PSMD1: variants seen among roughly 807,000 people sequenced by gnomAD.
The protein encoded by PSMD1 is proteasome 26S subunit, non-ATPase 1.
In PSMD1, 18 loss-of-function variants were observed where a neutral mutation model predicts 119.0. The ratio of observed to expected loss-of-function variants is 0.15; its 90% CI spans 0.10 to 0.22. PSMD1 has a LOEUF of 0.22. Among genes scored for constraint, PSMD1 ranks in the 10% least tolerant of loss-of-function variants. The pLI, the probability that PSMD1 is intolerant of heterozygous loss-of-function variation, is 1.00. For synonymous variants in PSMD1, 374 were observed against 396.6 expected (o/e 0.94, Z 0.68); for missense variants, 702 against 1,158.5 (o/e 0.61, Z 5.72).
At chr2:231,164,198 G>C (rs1696704707) in intron 21 of PSMD1, among the ~76,000 whole-genome samples, 2 of 151,994 alleles carry the variant, frequency 1.3e-5, no homozygotes, top group Admixed American at 1.3e-4. Context: ...GCCTGGAATT[G>C]AAAGTCTTTA....
intron 16 of PSMD1, among the ~76,000 whole-genome samples, chr2:231,122,960 T>A (rs1048647323): frequency 1.3e-5 from 2 of 152,194 alleles, no homozygotes; most frequent in Non-Finnish European, 2.9e-5. Context: ...AGTTCCAATT[T>A]TAAACTGGGG....
intron 16 of PSMD1, among the ~76,000 whole-genome samples, chr2:231,122,561 G>C (rs1695581539): frequency 6.6e-6 from 1 of 152,068 alleles, no homozygotes; most frequent in South Asian, 2.1e-4. Flanking sequence ...TTTTAATGCT[G>C]ATTCCAAGGG....
rs13408366 is a variant in PSMD1 at position 231,083,717 on chromosome 2, G to A, written c.1676G>A (p.Arg559Lys). The change falls in exon 14 of 25, where the codon AGG becomes AAG. Residue 559 changes from arginine to lysine, a missense_variant. This residue lies in a region of PSMD1 where 272 missense variants were observed against 511.6 expected (regional missense o/e 0.53). Transcript: ENST00000308696. ...GGCATAGCTTTAGTAATGTATGGGA[G>A]GATGGAAGAGGCTGATGCTCTCATT... is the stretch of plus-strand genomic sequence containing the variant. ...AVGIALVMYG[R>K]MEEADALIES... 2.2e-4 allele frequency: 349 copies of A among 1,614,160 alleles called. No individual in the cohort carries two copies. Among genetic ancestry groups the A allele is most frequent in the Admixed American group, 1.2e-3 (74 of 60,032 alleles).
rs1694402767 is a variant in PSMD1 at position 231,085,231 on chromosome 2, T to TA, written c.1818+117_1818+118insA. ...ATGACCACCACCAGTGGTCTTAGGT[T>TA]GTGATTCTCATTTACTGGACCCAAC... On this transcript the variant is annotated intron_variant, in intron 15 of 24. Transcript: ENST00000308696. 4 of 836,326 alleles carry TA rather than the reference T, an allele frequency of 4.8e-6. No individual in the cohort carries two copies. In the African/African-American group the frequency reaches 5.1e-5, roughly 11 times the overall value. 51.8% of individuals were successfully genotyped at this position (836,326 alleles called of 1,614,324 possible).
At chr2:231,067,648 C>T (rs1023093248) in intron 5 of PSMD1, among the ~76,000 whole-genome samples, 3 of 152,014 alleles carry the variant, frequency 2.0e-5, no homozygotes, top group Non-Finnish European at 2.9e-5. Flanking sequence ...ATATTTTTTA[C>T]ATTTCTTTTT....
intron 16 of PSMD1, among the ~76,000 whole-genome samples, chr2:231,132,209 T>C (rs1695871330): frequency 1.3e-5 from 2 of 152,254 alleles, no homozygotes; most frequent in Non-Finnish European, 2.9e-5. Context: ...ACTTGAGTTT[T>C]GTGGTTGGTT....
intron 12 of PSMD1, among the ~76,000 whole-genome samples, chr2:231,080,624 A>G (rs1694286958): frequency 6.6e-6 from 1 of 152,244 alleles, no homozygotes; most frequent in African/African-American, 2.4e-5. Flanking sequence ...CTGGAAATTA[A>G]GGCCTAAAGA....
chr2:231,063,540 C>A, intron 4 of PSMD1, among the ~76,000 whole-genome samples: 1 of 152,268 alleles, frequency 6.6e-6, no homozygotes, highest in African/African-American at 2.4e-5. Context: ...TTGGTATTCT[C>A]TTTTAGAAAT....
At chr2:231,115,611 G>C (rs865973480) in intron 16 of PSMD1, among the ~76,000 whole-genome samples, 2 of 152,142 alleles carry the variant, frequency 1.3e-5, no homozygotes, top group South Asian at 4.1e-4. Context: ...GGAAGGGATA[G>C]AGGTGGTAAA....
chr2:231,157,319 A>G (rs1339997836), intron 19 of PSMD1, among the ~76,000 whole-genome samples: 1 of 151,444 alleles, frequency 6.6e-6, no homozygotes, highest in Non-Finnish European at 1.5e-5. Flanking sequence ...AAGAAAAAAG[A>G]ATTAGGGGAG....
At chr2:231,099,151 C>G (rs909588504) in intron 16 of PSMD1, among the ~76,000 whole-genome samples, 11 of 152,068 alleles carry the variant, frequency 7.2e-5, no homozygotes, top group Admixed American at 7.2e-4. Flanking sequence ...GGACACTGAA[C>G]GGGGTTAGAT....
chr2:231,094,129 C>T (rs909995894), intron 16 of PSMD1, among the ~76,000 whole-genome samples: 1 of 151,974 alleles, frequency 6.6e-6, no homozygotes. Flanking sequence ...GGGTTAACAC[C>T]TGTTGGAGGG....
rs1305889732 is a variant in PSMD1 at position 231,075,547 on chromosome 2, A to C, written c.918A>C (p.Ala306=). ...SMETEEKTSS[A]FVGKTPEASP... ...AAACAGAAGAAAAGACAAGCAGTGC[A>C]TTTGTAGGAAAGACACCAGAAGCCG... is the stretch of plus-strand genomic sequence containing the variant. The change falls in exon 8 of 25, where the codon GCA becomes GCC. Residue 306 remains alanine (A), a synonymous_variant. Transcript: ENST00000308696. The C allele has an allele frequency of 3.1e-6, 5 of 1,609,112 alleles. No individual in the cohort carries two copies. Among genetic ancestry groups the C allele is most frequent in the Non-Finnish European group, 4.2e-6 (5 of 1,178,456 alleles).
chr2:231,101,481 A>C (rs1423681342), intron 16 of PSMD1, among the ~76,000 whole-genome samples: 1 of 152,280 alleles, frequency 6.6e-6, no homozygotes, highest in Non-Finnish European at 1.5e-5. Flanking sequence ...AGTTGAAATT[A>C]CAACAAAGAA....
chr2:231,108,689 G>A (rs777098549), intron 16 of PSMD1: 2 of 1,614,108 alleles, frequency 1.2e-6, no homozygotes, highest in South Asian at 2.2e-5. Context: ...GAAAAACTTA[G>A]AGTTCTCTGC....
At chr2:231,066,818 A>G (rs1693919784) in intron 4 of PSMD1, 88 bp from the exon 5 acceptor site, 1 of 1,058,054 alleles carries the variant, frequency 9.5e-7, no homozygotes, top group South Asian at 1.8e-5. Flanking sequence ...TCATCCCATA[A>G]GTATATATGA....
At chr2:231,064,787 T>C (rs935879150) in intron 4 of PSMD1, among the ~76,000 whole-genome samples, 1 of 152,138 alleles carries the variant, frequency 6.6e-6, no homozygotes, top group African/African-American at 2.4e-5. Context: ...TGCCTCAGCC[T>C]CCCAAGTAGC....
chr2:231,131,510 C>G lies in PSMD1; in HGVS notation c.1884-7226C>G, dbSNP rs1695852832. Among the ~76,000 whole-genome samples the G allele has an allele frequency of 4.3e-5, 2 of 46,274 alleles. 1 individual carries two copies. The highest frequency in any genetic ancestry group is 6.5e-5 in the Non-Finnish European group (2 of 30,836). 30.4% of individuals were successfully genotyped at this position (46,274 alleles called of 152,430 possible). A position where few individuals can be genotyped will look rare whatever the true frequency, so the allele number is the denominator to read the frequency against. On this transcript the variant is annotated intron_variant, in intron 16 of 24. Coordinates refer to ENST00000308696, the MANE Select transcript of PSMD1 (RefSeq NM_002807.4). The stretch of plus-strand genomic sequence containing the variant: ...GGGCGCGGTGGCTCACGCCTGTAAT[C>G]CCAGCACTTTGGGAGGCCGAGGCGG...
chr2:231,145,482 T>C (rs1574768585), intron 17 of PSMD1, among the ~76,000 whole-genome samples: 1 of 152,230 alleles, frequency 6.6e-6, no homozygotes, highest in East Asian at 1.9e-4. Context: ...ATAAACACTG[T>C]ACACTTTGGC....
Sources: gnomAD v4.1 joint callset for allele counts (sites outside exome capture counted in the v4.1 genomes callset) on GRCh38, gnomAD v4.1.1 for gene constraint, gnomAD v4.1.1 regional missense constraint, MANE v1.5 for transcripts, NCBI Gene and HGNC (gene_info 2026-07-23, HGNC 2026-07-21) for gene names.